Variants in CADPS observed in about 807,000 individuals in gnomAD.
CADPS encodes the protein calcium-dependent secretion activator 1.
Under a neutral mutation model 167.3 loss-of-function variants are expected in CADPS, and 57 were observed. That is an observed-to-expected ratio of 0.34 (90% confidence interval 0.28 to 0.42). The LOEUF (loss-of-function observed/expected upper bound fraction) is 0.42. Ranked by LOEUF, CADPS falls within the 20% of genes least tolerant of loss-of-function variation. The pLI, the probability that CADPS is intolerant of heterozygous loss-of-function variation, is 1.00. For missense variants in CADPS, 1,414 were observed against 1,738.1 expected (o/e 0.81, Z 3.32); for synonymous variants, 676 against 635.3 (o/e 1.06, Z -0.96).
intron 13 of CADPS, among the ~76,000 whole-genome samples, chr3:62,525,607 TCCCCA>T (rs2071891671): frequency 6.6e-6 from 1 of 151,792 alleles, no homozygotes; most frequent in African/African-American, 2.4e-5. Flanking sequence ...AACAGAGCTA[TCCCCA>T]CTACACAGTT....
intron 1 of CADPS, among the ~76,000 whole-genome samples, chr3:62,852,251 G>A (rs577873301): frequency 3.3e-5 from 5 of 151,446 alleles, no homozygotes; most frequent in South Asian, 2.1e-4. Flanking sequence ...TAATTTGATC[G>A]TCTGAAGCCT....
At chr3:62,804,921 A>G (rs1559704989) in intron 1 of CADPS, among the ~76,000 whole-genome samples, 1 of 152,192 alleles carries the variant, frequency 6.6e-6, no homozygotes, top group Non-Finnish European at 1.5e-5. Context: ...TGAACAAAGT[A>G]TAAATAATCA....
At chr3:62,766,197 C>T (rs1576090737) in intron 1 of CADPS, among the ~76,000 whole-genome samples, 1 of 152,034 alleles carries the variant, frequency 6.6e-6, no homozygotes, top group Non-Finnish European at 1.5e-5. Flanking sequence ...ATATTAAAAA[C>T]AAAGTTAATA....
Position 62,531,045 on chromosome 3 carries a change from T to C in CADPS, c.2291+1826A>G, listed in dbSNP as rs542513533. ...AAAACTGTTTCCATGACAAGATGTA[T>C]AAACCTAACTGTGAATCAAGTGGCA... On this transcript the variant is annotated intron_variant, in intron 13 of 29. Coordinates refer to ENST00000383710, the MANE Select transcript of CADPS (RefSeq NM_003716.4). Among the ~76,000 whole-genome samples, 34 of 152,314 alleles carry C rather than the reference T, an allele frequency of 2.2e-4. No individual in the cohort carries two copies. In the South Asian group the frequency reaches 6.4e-3, roughly 29 times the overall value.
chr3:62,474,568 A>G (rs535707978), intron 23 of CADPS, among the ~76,000 whole-genome samples: 2 of 152,294 alleles, frequency 1.3e-5, no homozygotes, highest in South Asian at 2.1e-4. Flanking sequence ...ATTTCTCTCT[A>G]TAGTTTACAT....
rs376917013 is a variant in CADPS at position 62,662,659 on chromosome 3, A to T, written c.889-265T>A. Among the ~76,000 whole-genome samples, 13 of 152,338 alleles carry T rather than the reference A, an allele frequency of 8.5e-5. No individual in the cohort carries two copies. In the South Asian group the frequency reaches 2.7e-3, roughly 32 times the overall value. ...AATCTCTTCTGAACTGTTGGGCAGCAGTGTTTCTAATGAGGACCAATGCAC... is the reference window on the plus strand; with the variant it reads ...AATCTCTTCTGAACTGTTGGGCAGCTGTGTTTCTAATGAGGACCAATGCAC... On this transcript the variant is annotated intron_variant, in intron 3 of 29. Coordinates refer to ENST00000383710, the MANE Select transcript of CADPS (RefSeq NM_003716.4).
rs543048187 is a variant in CADPS at position 62,495,861 on chromosome 3, T to C, written c.2707-2196A>G. Among the ~76,000 whole-genome samples the C allele has an allele frequency of 2.0e-5, 3 of 152,322 alleles. No homozygotes were observed. The South Asian group carries it at 6.2e-4, about 32-fold the overall frequency. On this transcript the variant is annotated intron_variant, in intron 18 of 29. Coordinates refer to ENST00000383710, the MANE Select transcript of CADPS (RefSeq NM_003716.4). ...CTACCATATACCGCATGTGTGTGCA[T>C]ATGATGTACTCTTAGCTGGTGAGAT...
At chr3:62,464,133 A>T (rs2059679004) in intron 26 of CADPS, among the ~76,000 whole-genome samples, 1 of 152,108 alleles carries the variant, frequency 6.6e-6, no homozygotes, top group African/African-American at 2.4e-5. Context: ...TGCCTACGTT[A>T]TTATCTTCAT....
At chr3:62,838,791 TC>T (rs2153030847) in intron 1 of CADPS, among the ~76,000 whole-genome samples, 1 of 152,288 alleles carries the variant, frequency 6.6e-6, no homozygotes, top group Non-Finnish European at 1.5e-5. Flanking sequence ...ATTGCTTAGG[TC>T]CCAGATTACT....
intron 3 of CADPS, among the ~76,000 whole-genome samples, chr3:62,673,105 G>A (rs985790193): frequency 2.0e-5 from 3 of 152,242 alleles, no homozygotes; most frequent in African/African-American, 7.2e-5. Context: ...GTGCAAGACT[G>A]TAAGTGCCTT....
At chr3:62,844,642 C>G (rs1318151404) in intron 1 of CADPS, among the ~76,000 whole-genome samples, 1 of 152,112 alleles carries the variant, frequency 6.6e-6, no homozygotes, top group African/African-American at 2.4e-5. Flanking sequence ...TTATCATGAC[C>G]TGTGAACTAT....
intron 17 of CADPS, among the ~76,000 whole-genome samples, chr3:62,507,188 G>C (rs2066851013): frequency 6.6e-6 from 1 of 152,124 alleles, no homozygotes; most frequent in Non-Finnish European, 1.5e-5. Flanking sequence ...ATGATGAATA[G>C]AGGCAAACAC....
intron 3 of CADPS, among the ~76,000 whole-genome samples, chr3:62,706,786 A>G (rs968329858): frequency 9.9e-5 from 15 of 152,098 alleles, no homozygotes; most frequent in African/African-American, 3.6e-4. Flanking sequence ...TACTGGCCTC[A>G]TTTAACTTGT....
At chr3:62,749,481 G>T (rs2082227944) in intron 3 of CADPS, among the ~76,000 whole-genome samples, 1 of 152,162 alleles carries the variant, frequency 6.6e-6, no homozygotes, top group Non-Finnish European at 1.5e-5. Context: ...GAAGCACCTA[G>T]AAATTGCTTT....
chr3:62,739,080 T>C (rs751400060), intron 3 of CADPS, among the ~76,000 whole-genome samples: 2 of 152,332 alleles, frequency 1.3e-5, no homozygotes, highest in South Asian at 2.1e-4. Context: ...TTCTCCTCGC[T>C]TGAATTTTAG....
chr3:62,576,765 G>T, intron 8 of CADPS, among the ~76,000 whole-genome samples: 1 of 131,642 alleles, frequency 7.6e-6, no homozygotes, highest in African/African-American at 3.0e-5. Context: ...ACTTCAGCCT[G>T]GGTGACAGAG....
chr3:62,831,423 A>G (rs1275187201), intron 1 of CADPS, among the ~76,000 whole-genome samples: 1 of 152,100 alleles, frequency 6.6e-6, no homozygotes, highest in Non-Finnish European at 1.5e-5. Flanking sequence ...TTCCATTGTC[A>G]CAGTCACTGA....
At chr3:62,543,426 C>G (rs2076014302) in intron 11 of CADPS, among the ~76,000 whole-genome samples, 1 of 152,124 alleles carries the variant, frequency 6.6e-6, no homozygotes, top group Non-Finnish European at 1.5e-5. Context: ...ATTCAGTTAA[C>G]TATTCATCCA....
chr3:62,803,020 G>A (rs1430264258), intron 1 of CADPS, among the ~76,000 whole-genome samples: 3 of 152,170 alleles, frequency 2.0e-5, no homozygotes, highest in Non-Finnish European at 2.9e-5. Context: ...AGAACACTTA[G>A]GAAAGGACAG....
Sources: allele counts gnomAD v4.1 joint callset (sites outside exome capture counted in the v4.1 genomes callset), GRCh38; gene constraint gnomAD v4.1.1; transcripts MANE v1.5; gene names NCBI Gene and HGNC (gene_info 2026-07-23, HGNC 2026-07-21).